The following DNAJC6 variants were observed in gnomAD, a reference collection of about 807,000 sequenced individuals.
The protein encoded by DNAJC6 is DnaJ heat shock protein family (Hsp40) member C6.
DNAJC6 carries 34 observed loss-of-function variants against 110.0 expected under a neutral mutation model. The observed-to-expected ratio is 0.31, with a 90% confidence interval of 0.24 to 0.41. The LOEUF (loss-of-function observed/expected upper bound fraction) is 0.41. Among genes scored for constraint, DNAJC6 ranks in the 10% least tolerant of loss-of-function variants. The pLI is 1.00. For missense variants in DNAJC6, 1,031 were observed against 1,207.8 expected (o/e 0.85, Z 2.17); for synonymous variants, 406 against 437.2 (o/e 0.93, Z 0.89).
intron 1 of DNAJC6, among the ~76,000 whole-genome samples, chr1:65,323,016 A>G (rs1645210376): frequency 6.6e-6 from 1 of 152,226 alleles, no homozygotes; most frequent in Admixed American, 6.5e-5. Flanking sequence ...AACATTTAGG[A>G]TATACCTTTT....
chr1:65,359,200 A>AGCTCG (rs1336895419), intron 1 of DNAJC6, among the ~76,000 whole-genome samples: 1 of 152,212 alleles, frequency 6.6e-6, no homozygotes, highest in African/African-American at 2.4e-5. Context: ...GCTCGATACA[A>AGCTCG]ATAAATGATC....
intron 4 of DNAJC6, among the ~76,000 whole-genome samples, chr1:65,375,625 A>G (rs1429238857): frequency 1.3e-5 from 2 of 151,784 alleles, no homozygotes; most frequent in Admixed American, 6.6e-5. Flanking sequence ...ACGGGATTTC[A>G]CTGTGTTAGC....
chr1:65,400,680 A>G (rs1646022583), intron 14 of DNAJC6, among the ~76,000 whole-genome samples: 1 of 152,210 alleles, frequency 6.6e-6, no homozygotes, highest in African/African-American at 2.4e-5. Flanking sequence ...TTTATGGCTC[A>G]ATAGTATTCT....
intron 1 of DNAJC6, among the ~76,000 whole-genome samples, chr1:65,281,830 G>A (rs1653855853): frequency 6.6e-6 from 1 of 151,968 alleles, no homozygotes; most frequent in Non-Finnish European, 1.5e-5. Context: ...GGATGGTCTC[G>A]ATCTCCTGAC....
chr1:65,392,357 T>G (rs1351945387), intron 11 of DNAJC6, 74 bp from the exon 12 acceptor site: 2 of 1,344,864 alleles, frequency 1.5e-6, no homozygotes, highest in Non-Finnish European at 2.0e-6. Flanking sequence ...TGGAATTATA[T>G]ACATATATTA....
At position 65,385,740 on chromosome 1, in the gene DNAJC6, G is replaced by A. The variant is rs146050826; in HGVS notation, c.829G>A (p.Ala277Thr). ...RYLGYMCDLL[A>T]DKPYRPHFKP... ...CCTGGGCTATATGTGTGACCTACTGGCAGACAAGCCCTACCGCCCTCACTT... is the reference window on the plus strand; with the variant it reads ...CCTGGGCTATATGTGTGACCTACTGACAGACAAGCCCTACCGCCCTCACTT... The change falls in exon 7 of 19, where the codon GCA (alanine) becomes ACA (threonine). Residue 277 changes from alanine (A) to threonine (T), a missense_variant. Ala to Thr is a moderately conservative substitution (Grantham distance 58, BLOSUM62 0). Transcript: ENST00000371069. 5.0e-4 allele frequency: 798 copies of A among 1,611,750 alleles called. 1 individual carries two copies. Among genetic ancestry groups the A allele is most frequent in the Non-Finnish European group, 6.4e-4 (749 of 1,178,310 alleles).
chr1:65,344,498 C>T (rs1645419212), intron 1 of DNAJC6, among the ~76,000 whole-genome samples: 1 of 152,174 alleles, frequency 6.6e-6, no homozygotes, highest in South Asian at 2.1e-4. Context: ...TTATCTGTCT[C>T]CTTAGCAACC....
rs1645768463 is a variant in DNAJC6, at chr1:65,376,579, A to G, written c.544-2823A>G. Among the ~76,000 whole-genome samples the G allele has an allele frequency of 2.6e-5, 4 of 151,550 alleles. No homozygotes were observed. The East Asian group carries it at 7.7e-4, about 29-fold the overall frequency. ...TGCTGTATCCCATATGTTTTTGTAT[A>G]TTTCCATTTTAATTTGTTTCAAGAA... On this transcript the variant is annotated intron_variant, in intron 4 of 18. Transcript: ENST00000371069.
At chr1:65,379,614 T>A in intron 5 of DNAJC6, 90 bp downstream of exon 5, 1 of 1,505,618 alleles carries the variant, frequency 6.6e-7, no homozygotes, top group Non-Finnish European at 8.9e-7. Flanking sequence ...AACATTTGAG[T>A]TCAATAGGAT....
intron 4 of DNAJC6, among the ~76,000 whole-genome samples, chr1:65,377,667 T>C (rs1439782823): frequency 6.6e-6 from 1 of 152,218 alleles, no homozygotes; most frequent in Admixed American, 6.5e-5. Context: ...AAGAATGGGC[T>C]TTCTTGGCAG....
At chr1:65,380,132 T>G (rs1432930157) in intron 5 of DNAJC6, among the ~76,000 whole-genome samples, 1 of 152,202 alleles carries the variant, frequency 6.6e-6, no homozygotes, top group Non-Finnish European at 1.5e-5. Context: ...CTAAATGTCT[T>G]CTGTGGCTTT....
chr1:65,341,557 G>T (rs1012405313), intron 1 of DNAJC6, among the ~76,000 whole-genome samples: 2 of 152,166 alleles, frequency 1.3e-5, no homozygotes, highest in African/African-American at 4.8e-5. Context: ...GGGTTTGTCA[G>T]CACTGATATG....
chr1:65,363,746 G>A lies in DNAJC6; in HGVS notation c.194-889G>A, dbSNP rs138748393. Among the ~76,000 whole-genome samples the A allele has an allele frequency of 3.7e-4, 56 of 152,148 alleles. No individual in the cohort carries two copies. The Middle Eastern group carries it at 0.01, about 28-fold the overall frequency. ...CACAGGGACAACCCCCTCAAAACAC[G>A]CACAATAAAGAAGTATTTAGCCTAA... On this transcript the variant is annotated intron_variant, in intron 1 of 18. Transcript: ENST00000371069.
chr1:65,302,584 G>A (rs1298642319), intron 1 of DNAJC6, among the ~76,000 whole-genome samples: 7 of 136,266 alleles, frequency 5.1e-5, no homozygotes, highest in Non-Finnish European at 9.2e-5. Flanking sequence ...GCCGGACTGC[G>A]GACTGCAGTG....
rs115590993 is a variant in DNAJC6, at chr1:65,393,507, C to T, written c.1903+642C>T. On this transcript the variant is annotated intron_variant, in intron 12 of 18. Coordinates refer to ENST00000371069, the MANE Select transcript of DNAJC6 (RefSeq NM_001256864.2). ...TATTTGAAAATATGTTTAAGTGACT[C>T]ATGCCGGAAGCACAGCTTCCTAGAA... 2.4e-3 allele frequency among the ~76,000 whole-genome samples: 369 copies of T among 152,322 alleles called. 4 individuals are homozygous for T. Among genetic ancestry groups the T allele is most frequent in the African/African-American group, 8.5e-3 (355 of 41,572 alleles).
chr1:65,323,738 G>A (rs1645216553), intron 1 of DNAJC6, among the ~76,000 whole-genome samples: 1 of 152,100 alleles, frequency 6.6e-6, no homozygotes, highest in Non-Finnish European at 1.5e-5. Flanking sequence ...GGGATTACAA[G>A]ACTGCGACAC....
In DNAJC6 at chr1:65,379,413, C is replaced by G. The variant is rs1456196065; in HGVS notation, c.555C>G (p.Cys185Trp). 1 of 1,613,872 alleles carries G rather than the reference C, an allele frequency of 6.2e-7. No individual in the cohort carries two copies. The highest frequency in any genetic ancestry group is 8.5e-7 in the Non-Finnish European group (1 of 1,179,944). Residue 185 changes from cysteine (C) to tryptophan (W), a missense_variant, in exon 5 of 19, where the codon TGC becomes TGG. Cys to Trp is a radical substitution (Grantham distance 215). Coordinates refer to ENST00000371069, the MANE Select transcript of DNAJC6 (RefSeq NM_001256864.2). ...CTGTGCTCCCTTAGGTCTCAGAATGCAGTTGGCCCATTAGGCAGGCTCCCA... is the reference window on the plus strand; with the variant it reads ...CTGTGCTCCCTTAGGTCTCAGAATGGAGTTGGCCCATTAGGCAGGCTCCCA... ...TAKFHSRVSE[C>W]SWPIRQAPSL...
In DNAJC6 at chr1:65,366,036, T is replaced by TC. The variant is rs749295051; in HGVS notation, c.395-11dup. 6.2e-7 allele frequency: 1 copy of TC among 1,613,664 alleles called. No homozygotes were observed. The highest frequency in any genetic ancestry group is 1.1e-5 in the South Asian group (1 of 91,032). On this transcript the variant is annotated splice_polypyrimidine_tract_variant and intron_variant, in intron 3 of 18. Transcript: ENST00000371069. ...TTTAACCTGTTTTCTTTCTGTGTGA[T>TC]CTCTCTCCTAGTGATGTCCTTTCCT...
At chr1:65,375,952 G>C (rs372954970) in intron 4 of DNAJC6, among the ~76,000 whole-genome samples, 4 of 152,274 alleles carry the variant, frequency 2.6e-5, no homozygotes, top group East Asian at 1.9e-4. Flanking sequence ...AAAATAGTTT[G>C]AGTAGGATTA....
Sources: allele counts gnomAD v4.1 joint callset (sites outside exome capture counted in the v4.1 genomes callset), GRCh38; gene constraint gnomAD v4.1.1; transcripts MANE v1.5; gene names NCBI Gene and HGNC (gene_info 2026-07-23, HGNC 2026-07-21).